Variants in UBA2 observed in about 807,000 individuals in gnomAD.
The protein encoded by UBA2 is ubiquitin like modifier activating enzyme 2.
In UBA2, 11 loss-of-function variants were observed where a neutral mutation model predicts 77.2. The observed-to-expected ratio is 0.14, with a 90% CI of 0.09 to 0.24. The LOEUF (loss-of-function observed/expected upper bound fraction) is 0.24, where lower values mean the gene tolerates loss of function less well. Ranked by LOEUF, UBA2 falls within the 10% of genes least tolerant of loss-of-function variation. UBA2 has a pLI of 1.00. For missense variants in UBA2, 487 were observed against 781.7 expected, an observed-to-expected ratio of 0.62 and a Z score of 4.50; for synonymous variants, 278 against 276.7, an observed-to-expected ratio of 1.00 and a Z score of -0.05.
intron 1 of UBA2, chr19:34,429,169 G>A: frequency 1.0e-6 from 1 of 985,344 alleles, no homozygotes; most frequent in African/African-American, 1.7e-5. Context: ...GGGTCACGGA[G>A]CGAGTGGCAG....
At chr19:34,458,396 A>G (rs2075592819) in intron 12 of UBA2, among the ~76,000 whole-genome samples, 1 of 151,628 alleles carries the variant, frequency 6.6e-6, no homozygotes, top group Admixed American at 6.6e-5. Flanking sequence ...TCTACTAAAA[A>G]AAAAATACAA....
chr19:34,434,997 C>T (rs372427517), intron 5 of UBA2, 29 bp downstream of exon 5: 2 of 1,456,658 alleles, frequency 1.4e-6, no homozygotes, highest in African/African-American at 2.8e-5. Flanking sequence ...TTTTTAACTT[C>T]CCAAATATTT....
At chr19:34,445,410 G>A (rs925047160) in intron 8 of UBA2, among the ~76,000 whole-genome samples, 10 of 143,628 alleles carry the variant, frequency 7.0e-5, no homozygotes, top group African/African-American at 2.1e-4. Flanking sequence ...GAACTTCTTC[G>A]TTTTCCTGCT....
chr19:34,442,146 G>C (rs890169713), intron 6 of UBA2, among the ~76,000 whole-genome samples: 2 of 151,974 alleles, frequency 1.3e-5, no homozygotes, highest in Non-Finnish European at 2.9e-5. Context: ...GAGGTGAGAG[G>C]ATCACTTGAG....
chr19:34,451,190 A>G (rs1400259811), intron 9 of UBA2, among the ~76,000 whole-genome samples: 6 of 152,028 alleles, frequency 3.9e-5, no homozygotes, highest in African/African-American at 1.2e-4. Flanking sequence ...TAGGAAAACT[A>G]TTGTAGTGGC....
intron 5 of UBA2, among the ~76,000 whole-genome samples, chr19:34,437,582 C>T (rs913800177): frequency 6.6e-6 from 1 of 151,894 alleles, no homozygotes; most frequent in Admixed American, 6.6e-5. Flanking sequence ...TGCACTCCAA[C>T]CTGGGCAACG....
At chr19:34,440,925 C>CA (rs569153016) in intron 6 of UBA2, among the ~76,000 whole-genome samples, 15,347 of 63,878 alleles carry the variant, frequency 0.24, 1,458 homozygotes, top group African/African-American at 0.33. Flanking sequence ...GACTCCATCT[C>CA]AAAAAAAAAA....
intron 3 of UBA2, among the ~76,000 whole-genome samples, chr19:34,432,745 G>A (rs1354848275): frequency 6.6e-6 from 1 of 152,154 alleles, no homozygotes; most frequent in Admixed American, 6.6e-5. Context: ...TTAGTAGGCG[G>A]GGTTTCATCA....
At chr19:34,466,825 G>C in intron 15 of UBA2, 53 bp from the exon 16 acceptor site, 1 of 1,549,980 alleles carries the variant, frequency 6.5e-7, no homozygotes. Context: ...TTTCTCTGGT[G>C]CTCCTTTGCT....
Position 34,428,549 on chromosome 19 carries a change from C to G in UBA2, c.117C>G (p.Thr39=). ...GCELLKNLVL[T]GFSHIDLIDL... is the part of the protein sequence containing the mutation. ...AGCTCCTCAAGAATCTCGTGCTCAC[C>G]GGTTTCTCCCACATCGACCTGGTGA... The change falls in exon 1 of 17, where the codon ACC becomes ACG. Residue 39 remains threonine (T), a synonymous_variant. Transcript: ENST00000246548. 1 of 1,302,906 alleles carries G rather than the reference C, an allele frequency of 7.7e-7. No homozygotes were observed. The highest frequency in any genetic ancestry group is 9.8e-7 in the Non-Finnish European group (1 of 1,016,844). The allele number at this position is 1,302,906 out of a possible 1,614,324, so 80.7% of individuals were successfully genotyped here.
rs145219113 is a variant in UBA2, at chr19:34,469,057, G to A, written c.1759G>A (p.Val587Ile). Residue 587 changes from valine to isoleucine, a missense_variant, in exon 17 of 17, where the codon GTT becomes ATT. By Grantham distance (29) the Val-to-Ile change is conservative. Transcript: ENST00000246548. ...STSTAQEQDD[V>I]LIVDSDEEDS... ...GAAATAAGCTCAAGAGCAAGATGACGTTCTCATAGTTGATTCAGATGAAGA... is the reference window on the plus strand; with the variant it reads ...GAAATAAGCTCAAGAGCAAGATGACATTCTCATAGTTGATTCAGATGAAGA... The A allele has an allele frequency of 1.6e-5, 25 of 1,604,262 alleles. No individual in the cohort carries two copies. The highest frequency in any genetic ancestry group is 4.5e-5 in the East Asian group (2 of 44,786).
intron 14 of UBA2, among the ~76,000 whole-genome samples, chr19:34,463,723 C>T (rs1386033870): frequency 1.3e-5 from 2 of 152,138 alleles, no homozygotes; most frequent in African/African-American, 2.4e-5. Context: ...CTTCCCTGGC[C>T]TCCCAAAGTG....
Position 34,454,506 on chromosome 19 carries a change from G to C in UBA2, c.1195G>C (p.Val399Leu). The C allele has an allele frequency of 1.2e-6, 2 of 1,610,436 alleles. No individual in the cohort carries two copies. The highest frequency in any genetic ancestry group is 1.7e-6 in the Non-Finnish European group (2 of 1,178,548). Residue 399 changes from valine (V) to leucine (L), a missense_variant, in exon 12 of 17, where the codon GTA becomes CTA. Physicochemically the swap from Val to Leu is conservative, Grantham distance 32 (BLOSUM62 1). Around this residue, in one of 9 missense-constraint regions of UBA2, gnomAD observed 300 missense variants for 454.3 expected, o/e 0.66. Coordinates refer to ENST00000246548, the MANE Select transcript of UBA2 (RefSeq NM_005499.3). ...TAATGCAGTAATTGCTGGGTTGATA[G>C]TATTGGAAGGATTGAAGATTTTATC... ...TTNAVIAGLI[V>L]LEGLKILSGK...
chr19:34,448,576 G>A (rs1290426078), intron 8 of UBA2, among the ~76,000 whole-genome samples: 1 of 152,140 alleles, frequency 6.6e-6, no homozygotes, highest in Admixed American at 6.5e-5. Flanking sequence ...GCCTGGGCAG[G>A]TCAAAGAACA....
intron 11 of UBA2, 25 bp downstream of exon 11, chr19:34,454,378 A>G: frequency 1.3e-6 from 2 of 1,596,450 alleles, no homozygotes; most frequent in Non-Finnish European, 1.7e-6. Context: ...CTAAAGTTGT[A>G]TCACTAAAAC....
chr19:34,448,715 G>A (rs1333934890), intron 8 of UBA2, among the ~76,000 whole-genome samples: 1 of 152,094 alleles, frequency 6.6e-6, no homozygotes, highest in East Asian at 1.9e-4. Context: ...TTAGAGAAGT[G>A]GTTTTGTAGA....
chr19:34,428,769 C>T (rs1010424439), intron 1 of UBA2, 199 bp downstream of exon 1: 60 of 1,138,748 alleles, frequency 5.3e-5, no homozygotes, highest in Non-Finnish European at 6.3e-5. Context: ...CGGGCCTCCG[C>T]TCGCTGGGCC....
intron 1 of UBA2, 92 bp downstream of exon 1, chr19:34,428,662 G>A (rs2075214936): frequency 3.3e-6 from 4 of 1,195,894 alleles, no homozygotes; most frequent in South Asian, 8.0e-5. Context: ...TGAGGCTCAG[G>A]GCCCGGAGCC....
chr19:34,450,235 G>A, intron 8 of UBA2, 30 bp from the exon 9 acceptor site: 1 of 1,478,146 alleles, frequency 6.8e-7, no homozygotes, highest in Non-Finnish European at 9.4e-7. Flanking sequence ...GGGATTATGG[G>A]GTTCATGGGA....
Sources: gnomAD v4.1 joint callset for allele counts (sites outside exome capture counted in the v4.1 genomes callset) on GRCh38, gnomAD v4.1.1 for gene constraint, gnomAD v4.1.1 regional missense constraint, MANE v1.5 for transcripts, NCBI Gene and HGNC (gene_info 2026-07-23, HGNC 2026-07-21) for gene names.